MCC: variants seen among roughly 807,000 people sequenced by gnomAD.
MCC encodes the protein MCC regulator of Wnt signaling pathway.
MCC carries 90 observed loss-of-function variants against 116.2 expected under a neutral mutation model. The observed-to-expected ratio is 0.77, with a 90% CI of 0.65 to 0.92. The LOEUF is 0.92. Among genes scored for constraint, MCC ranks in the 40% least tolerant of loss-of-function variants. The pLI, the probability that MCC is intolerant of heterozygous loss-of-function variation, is 0.00. For synonymous variants in MCC, 578 were observed against 510.5 expected (o/e 1.13, Z -1.78); for missense variants, 1,516 against 1,312.2 (o/e 1.16, Z -2.40).
At chr5:113,053,556 C>T (rs948830528) in intron 15 of MCC, among the ~76,000 whole-genome samples, 169 bp downstream of exon 15, 61 of 152,188 alleles carry the variant, frequency 4.0e-4, no homozygotes, top group African/African-American at 1.4e-3. Flanking sequence ...AAACACGCAG[C>T]CCAAGTGACC....
intron 6 of MCC, among the ~76,000 whole-genome samples, chr5:113,117,445 A>T (rs972262157): frequency 2.0e-5 from 3 of 152,236 alleles, no homozygotes. Flanking sequence ...TGCGGGTATA[A>T]GAGTAGATTT....
intron 1 of MCC, among the ~76,000 whole-genome samples, chr5:113,468,304 T>C (rs1388825393): frequency 1.3e-5 from 2 of 152,196 alleles, no homozygotes; most frequent in East Asian, 3.8e-4. Flanking sequence ...TTCAGTATAA[T>C]ATTGGCTGTG....
chr5:113,376,574 T>C (rs1490667667), intron 2 of MCC, among the ~76,000 whole-genome samples: 5 of 145,774 alleles, frequency 3.4e-5, no homozygotes, highest in African/African-American at 7.7e-5. Flanking sequence ...CCATATTTTA[T>C]ACACACACAC....
intron 2 of MCC, among the ~76,000 whole-genome samples, chr5:113,366,099 C>G (rs1377386925): frequency 6.6e-6 from 1 of 150,842 alleles, no homozygotes; most frequent in East Asian, 1.9e-4. Context: ...CCTCAAACCC[C>G]TCTTTCAGTT....
At chr5:113,187,679 C>G (rs1761957551) in intron 3 of MCC, among the ~76,000 whole-genome samples, 1 of 151,420 alleles carries the variant, frequency 6.6e-6, no homozygotes, top group Non-Finnish European at 1.5e-5. Context: ...GGCGTGAACC[C>G]AGGAGGCGGA....
intron 8 of MCC, among the ~76,000 whole-genome samples, chr5:113,085,921 C>G (rs1421435891): frequency 1.3e-5 from 2 of 152,358 alleles, no homozygotes; most frequent in Non-Finnish European, 2.9e-5. Context: ...AACTCCTGCA[C>G]TCAAGCGATT....
chr5:113,183,745 T>C (rs1761745547), intron 3 of MCC, among the ~76,000 whole-genome samples: 2 of 152,108 alleles, frequency 1.3e-5, no homozygotes, highest in African/African-American at 2.4e-5. Flanking sequence ...TCCAGAGGGA[T>C]GGGAACTAGC....
At chr5:113,072,987 C>T (rs778215752) in intron 11 of MCC, among the ~76,000 whole-genome samples, 2 of 152,212 alleles carry the variant, frequency 1.3e-5, no homozygotes, top group Non-Finnish European at 2.9e-5. Context: ...CTACCCAACA[C>T]TACATGCTAG....
intron 1 of MCC, among the ~76,000 whole-genome samples, chr5:113,388,136 C>T (rs553222150): frequency 2.0e-4 from 30 of 152,326 alleles, no homozygotes; most frequent in African/African-American, 6.3e-4. Context: ...GAAATACCAA[C>T]TCAGAGTAGA....
At chr5:113,476,236 T>TTGTTGGTTGG (rs1772231992) in intron 1 of MCC, among the ~76,000 whole-genome samples, 1 of 152,134 alleles carries the variant, frequency 6.6e-6, no homozygotes, top group African/African-American at 2.4e-5. Context: ...AACCACAGAC[T>TTGTTGGTTGG]AAAAACCTTG....
At chr5:113,257,811 G>A (rs571791626) in intron 3 of MCC, among the ~76,000 whole-genome samples, 10 of 152,238 alleles carry the variant, frequency 6.6e-5, no homozygotes, top group African/African-American at 2.2e-4. Flanking sequence ...AGACTATGGA[G>A]GAGAAGTGAT....
At chr5:113,151,019 G>A (rs1759831222) in intron 4 of MCC, among the ~76,000 whole-genome samples, 2 of 152,206 alleles carry the variant, frequency 1.3e-5, no homozygotes, top group Non-Finnish European at 2.9e-5. Flanking sequence ...ACTCCAGCTT[G>A]GGTGACAGAG....
At chr5:113,168,141 T>C (rs1760873606) in intron 3 of MCC, among the ~76,000 whole-genome samples, 3 of 152,302 alleles carry the variant, frequency 2.0e-5, no homozygotes, top group Admixed American at 2.0e-4. Context: ...AAAGTTATGC[T>C]GGATTTTCTT....
At chr5:113,402,293 CAAA>C (rs371884386) in intron 1 of MCC, among the ~76,000 whole-genome samples, 2 of 96,604 alleles carry the variant, frequency 2.1e-5, no homozygotes, top group African/African-American at 3.6e-5. Context: ...GACTCCGTCT[CAAA>C]AAAAAAAAAA....
chr5:113,452,681 C>CA, intron 1 of MCC, among the ~76,000 whole-genome samples: 1 of 152,328 alleles, frequency 6.6e-6, no homozygotes, highest in East Asian at 1.9e-4. Flanking sequence ...TATTTGCAGA[C>CA]AATCTATTAA....
chr5:113,361,478 T>C (rs1011597827), intron 2 of MCC, among the ~76,000 whole-genome samples: 34 of 152,230 alleles, frequency 2.2e-4, no homozygotes, highest in African/African-American at 8.2e-4. Context: ...TGCATTTCAA[T>C]TGATATTTAC....
At chr5:113,104,091 A>G in intron 7 of MCC, 101 bp downstream of exon 7, 1 of 1,186,288 alleles carries the variant, frequency 8.4e-7, no homozygotes, top group South Asian at 1.6e-5. Context: ...GGAAACATTC[A>G]TCCCTAGTAA....
intron 3 of MCC, among the ~76,000 whole-genome samples, chr5:113,284,958 A>C (rs1766189618): frequency 6.6e-6 from 1 of 152,234 alleles, no homozygotes; most frequent in African/African-American, 2.4e-5. Context: ...CCTATATTAT[A>C]CAACATCAGC....
chr5:113,461,151 C>T lies in MCC; in HGVS notation c.170+27094G>A, dbSNP rs111921659. ...TGGTGCACACCTGCAGTCTCAGCTA[C>T]GCAAGAGGCTGACACAGGAGGACTG... is the stretch of plus-strand genomic sequence containing the variant. On this transcript the variant is annotated intron_variant, in intron 1 of 18. Transcript: ENST00000408903. 7.0e-3 allele frequency among the ~76,000 whole-genome samples: 1,065 copies of T among 152,250 alleles called. 12 individuals carry two copies. Among genetic ancestry groups the T allele is most frequent in the African/African-American group, 0.024 (1,006 of 41,534 alleles).
Sources: gnomAD v4.1 joint callset for allele counts (sites outside exome capture counted in the v4.1 genomes callset) on GRCh38, gnomAD v4.1.1 for gene constraint, MANE v1.5 for transcripts, NCBI Gene and HGNC (gene_info 2026-07-23, HGNC 2026-07-21) for gene names.